TAF2: variants seen among roughly 807,000 people sequenced by gnomAD.
TAF2 encodes the protein transcription initiation factor TFIID subunit 2.
TAF2 carries 61 observed loss-of-function variants against 138.5 expected under a neutral mutation model. The ratio of observed to expected loss-of-function variants is 0.44; its 90% CI spans 0.36 to 0.54. The LOEUF (loss-of-function observed/expected upper bound fraction) is 0.54. Among genes scored for constraint, TAF2 ranks in the 20% least tolerant of loss-of-function variants. TAF2 has a pLI of 0.00. For missense variants in TAF2, 1,090 were observed against 1,427.9 expected, an observed-to-expected ratio of 0.76 and a Z score of 3.81; for synonymous variants, 475 against 469.9, an observed-to-expected ratio of 1.01 and a Z score of -0.14.
chr8:119,783,453 T>C lies in TAF2; in HGVS notation c.2040A>G (p.Ala680=). Reference sequence around the variant, plus strand: ...GCTCTTGTTCTAATATATCAGTGAGTGCAAGCCGAGATGCTGGAGTAGGGA... The same window carrying C: ...GCTCTTGTTCTAATATATCAGTGAGCGCAAGCCGAGATGCTGGAGTAGGGA... ...EKFPTPASRL[A]LTDILEQEQC... is the part of the protein sequence containing the mutation. Residue 680 remains alanine (A), a synonymous_variant, in exon 16 of 26, where the codon GCA becomes GCG. Transcript: ENST00000378164. The C allele has an allele frequency of 6.2e-7, 1 of 1,614,146 alleles. No homozygotes were observed. Among genetic ancestry groups the C allele is most frequent in the South Asian group, 1.1e-5 (1 of 91,082 alleles).
rs115555260 is a variant in TAF2, at chr8:119,792,522, A to G, written c.1277+844T>C. On this transcript the variant is annotated intron_variant, in intron 10 of 25. Transcript: ENST00000378164. ...AAAAATTACCCATTCTACAATTCTG[A>G]TTAGTACCACACTAAATTACCCATC... is the stretch of plus-strand genomic sequence containing the variant. Among the ~76,000 whole-genome samples, 374 of 152,280 alleles carry G rather than the reference A, an allele frequency of 2.5e-3. 3 individuals are homozygous for G. Among genetic ancestry groups the G allele is most frequent in the African/African-American group, 8.0e-3 (333 of 41,552 alleles).
At position 119,771,154 on chromosome 8, in the gene TAF2, A is replaced by G. The variant is rs185926336; in HGVS notation, c.2364+6865T>C. ...GCCTAGAAGAGACCCCCTCAATGACAAAAGACACCTACAGACTCAAAGTAA... is the reference window on the plus strand; with the variant it reads ...GCCTAGAAGAGACCCCCTCAATGACGAAAGACACCTACAGACTCAAAGTAA... On this transcript the variant is annotated intron_variant, in intron 18 of 25. Transcript: ENST00000378164. Among the ~76,000 whole-genome samples, 620 of 152,288 alleles carry G rather than the reference A, an allele frequency of 4.1e-3. 8 individuals are homozygous for G. Among genetic ancestry groups the G allele is most frequent in the Non-Finnish European group, 3.8e-3 (258 of 68,032 alleles).
At chr8:119,758,799 A>C (rs1443422969) in intron 20 of TAF2, among the ~76,000 whole-genome samples, 1 of 152,164 alleles carries the variant, frequency 6.6e-6, no homozygotes, top group Non-Finnish European at 1.5e-5. Context: ...ACCAGTATTT[A>C]AATTCATAGT....
chr8:119,813,870 CT>C (rs1825264893), intron 3 of TAF2, among the ~76,000 whole-genome samples: 1 of 152,160 alleles, frequency 6.6e-6, no homozygotes, highest in South Asian at 2.1e-4. Context: ...AATTGCAGCA[CT>C]TTGGGAGACC....
intron 25 of TAF2, among the ~76,000 whole-genome samples, chr8:119,734,325 A>G (rs1248822070): frequency 6.6e-5 from 10 of 152,178 alleles, no homozygotes; most frequent in Non-Finnish European, 1.2e-4. Flanking sequence ...TTTCACTAAA[A>G]TAGATTTCAA....
intron 7 of TAF2, 92 bp from the exon 8 acceptor site, chr8:119,797,195 A>C (rs1823889177): frequency 1.1e-6 from 1 of 928,420 alleles, no homozygotes; most frequent in Admixed American, 2.3e-5. Context: ...AAACAATGGA[A>C]GCTAAATAGA....
At chr8:119,827,713 A>G (rs1003698970) in intron 2 of TAF2, among the ~76,000 whole-genome samples, 4 of 149,092 alleles carry the variant, frequency 2.7e-5, no homozygotes, top group African/African-American at 9.9e-5. Context: ...TCACTATTAC[A>G]CCAAAAAGGC....
At chr8:119,774,533 CG>C (rs1822087600) in intron 18 of TAF2, among the ~76,000 whole-genome samples, 1 of 150,032 alleles carries the variant, frequency 6.7e-6, no homozygotes, top group Non-Finnish European at 1.5e-5. Flanking sequence ...TTAGTGTTAG[CG>C]TATTTTACGT....
chr8:119,785,360 C>A, intron 14 of TAF2, 94 bp from the exon 15 acceptor site: 1 of 851,076 alleles, frequency 1.2e-6, no homozygotes, highest in Non-Finnish European at 1.9e-6. Flanking sequence ...GTATTTCACA[C>A]AACATTGAAA....
In TAF2 at chr8:119,789,635, T is replaced by C; in HGVS notation, c.1525A>G (p.Asn509Asp). Residue 509 changes from asparagine to aspartate, a missense_variant, in exon 12 of 26, where the codon AAT becomes GAT. This residue lies in a region of TAF2 where 504 missense variants were observed against 680.9 expected (regional missense o/e 0.74). Transcript: ENST00000378164. Reference protein sequence around the residue: ...STSGFLKSISNVSGKDIQPLI... With the variant: ...STSGFLKSISDVSGKDIQPLI... ...GGCTGAATATCTTTGCCAGAGACAT[T>C]TGAAATGGATTTCAAAAACCCAGAT... 3 of 1,613,852 alleles carry C rather than the reference T, an allele frequency of 1.9e-6. No homozygotes were observed. Among genetic ancestry groups the C allele is most frequent in the Non-Finnish European group, 2.5e-6 (3 of 1,179,934 alleles).
intron 9 of TAF2, among the ~76,000 whole-genome samples, chr8:119,794,344 C>T (rs1379547999): frequency 1.3e-5 from 2 of 150,186 alleles, no homozygotes; most frequent in Admixed American, 6.6e-5. Flanking sequence ...TGCAGTGAGC[C>T]GAGATTGCGC....
chr8:119,733,674 C>T (rs1023245289), intron 25 of TAF2, among the ~76,000 whole-genome samples: 5 of 152,136 alleles, frequency 3.3e-5, no homozygotes, highest in African/African-American at 1.2e-4. Flanking sequence ...AATGGTATTG[C>T]TTTACATGCA....
chr8:119,758,168 T>C (rs1292141993), intron 20 of TAF2, 26 bp from the exon 21 acceptor site: 6 of 1,557,898 alleles, frequency 3.9e-6, no homozygotes, highest in Non-Finnish European at 5.3e-6. Context: ...AATATATTTG[T>C]TGTTAATTAT....
chr8:119,814,737 CAA>C (rs397795248), intron 3 of TAF2, among the ~76,000 whole-genome samples: 8,725 of 86,560 alleles, frequency 0.1, 348 homozygotes, highest in South Asian at 0.28. Context: ...ACCAAAAATA[CAA>C]AAAAAAAAAA....
At chr8:119,830,692 T>C (rs1009416410) in intron 2 of TAF2, among the ~76,000 whole-genome samples, 10 of 152,184 alleles carry the variant, frequency 6.6e-5, no homozygotes, top group African/African-American at 2.4e-4. Flanking sequence ...AGTAAATATA[T>C]ACATACATGG....
At chr8:119,778,179 T>A in intron 17 of TAF2, 50 bp from the exon 18 acceptor site, 1 of 1,093,282 alleles carries the variant, frequency 9.1e-7, no homozygotes, top group Non-Finnish European at 1.4e-6. Flanking sequence ...TAACTTTTTG[T>A]TACTACAATT....
chr8:119,831,967 T>G (rs1380920960), intron 1 of TAF2, among the ~76,000 whole-genome samples: 1 of 152,038 alleles, frequency 6.6e-6, no homozygotes, highest in African/African-American at 2.4e-5. Flanking sequence ...GAGACCAGCC[T>G]GGCCAACAGA....
rs1821134782 is a variant in TAF2, at chr8:119,762,498, A to C, written c.2475T>G (p.Asp825Glu). 1 of 1,613,914 alleles carries C rather than the reference A, an allele frequency of 6.2e-7. No homozygotes were observed. Among genetic ancestry groups the C allele is most frequent in the African/African-American group, 1.3e-5 (1 of 74,934 alleles). The change falls in exon 19 of 26, where the codon GAT (aspartate) becomes GAG (glutamate). Residue 825 changes from aspartate to glutamate, a missense_variant. Asp to Glu is a conservative substitution (Grantham distance 45). Transcript: ENST00000378164. Reference sequence around the variant, plus strand: ...TGATTTCTTCAAGAATGAGTCGCACATCAGGATTTAAGTTATCCAAAGTTC... The same window carrying C: ...TGATTTCTTCAAGAATGAGTCGCACCTCAGGATTTAAGTTATCCAAAGTTC... ...EVRTLDNLNP[D>E]VRLILEEITR...
At chr8:119,736,223 C>T (rs1819214960) in intron 25 of TAF2, among the ~76,000 whole-genome samples, 1 of 152,190 alleles carries the variant, frequency 6.6e-6, no homozygotes, top group African/African-American at 2.4e-5. Context: ...TAGCCTTACA[C>T]TTTGCATTAA....
Sources: allele counts gnomAD v4.1 joint callset (sites outside exome capture counted in the v4.1 genomes callset), GRCh38; gene constraint gnomAD v4.1.1; regional missense constraint gnomAD v4.1.1; transcripts MANE v1.5; gene names NCBI Gene and HGNC (gene_info 2026-07-23, HGNC 2026-07-21).